Variants in ENTREP2 observed in about 807,000 individuals in gnomAD.
ENTREP2 encodes protein ENTREP2.
the ENTREP2 span, among the ~76,000 whole-genome samples, chr15:29,307,848 G>C: frequency 6.6e-6 from 1 of 152,106 alleles, no homozygotes; most frequent in Non-Finnish European, 1.5e-5. Flanking sequence ...CTTTAATCTT[G>C]GACTTTCCAG....
At chr15:29,592,175 C>T in the ENTREP2 span, among the ~76,000 whole-genome samples, 14 of 152,126 alleles carry the variant, frequency 9.2e-5, no homozygotes, top group Non-Finnish European at 1.9e-4. Context: ...CCCCCTGGTT[C>T]TGCTGGCACC....
the ENTREP2 span, among the ~76,000 whole-genome samples, chr15:29,297,644 G>A: frequency 1.3e-5 from 2 of 152,190 alleles, no homozygotes. Context: ...TGAATGAACA[G>A]AATCCCACCT....
At chr15:29,339,748 T>C in the ENTREP2 span, among the ~76,000 whole-genome samples, 1 of 152,238 alleles carries the variant, frequency 6.6e-6, no homozygotes, top group African/African-American at 2.4e-5. Context: ...AGGCATGTCA[T>C]CTCATCACTC....
chr15:29,574,674 G>A, the ENTREP2 span, among the ~76,000 whole-genome samples: 1 of 152,168 alleles, frequency 6.6e-6, no homozygotes, highest in Non-Finnish European at 1.5e-5. Context: ...CTTGCACCAT[G>A]GGGAGACAAG....
At chr15:29,223,547 A>G in the ENTREP2 span, among the ~76,000 whole-genome samples, 9 of 152,212 alleles carry the variant, frequency 5.9e-5, no homozygotes, top group East Asian at 1.9e-4. Flanking sequence ...GTGTAACTGG[A>G]TATCAGTTTA....
At chr15:29,644,800 G>A in the ENTREP2 span, among the ~76,000 whole-genome samples, 1 of 129,538 alleles carries the variant, frequency 7.7e-6, no homozygotes, top group African/African-American at 2.9e-5. Flanking sequence ...GAGACTCCAA[G>A]ACTCCATCTC....
At chr15:29,594,832 C>T in the ENTREP2 span, among the ~76,000 whole-genome samples, 2 of 151,650 alleles carry the variant, frequency 1.3e-5, no homozygotes, top group Non-Finnish European at 2.9e-5. Flanking sequence ...TTTGGGAGGC[C>T]GAGGCGGGCG....
the ENTREP2 span, among the ~76,000 whole-genome samples, chr15:29,224,511 T>G: frequency 6.6e-6 from 1 of 152,298 alleles, no homozygotes; most frequent in South Asian, 2.1e-4. Flanking sequence ...GAGAGCTGAT[T>G]GGTCCGCTTT....
At chr15:29,248,895 G>A in the ENTREP2 span, among the ~76,000 whole-genome samples, 1 of 152,314 alleles carries the variant, frequency 6.6e-6, no homozygotes, top group East Asian at 1.9e-4. Context: ...TTTAGGAGCT[G>A]TAAAAAGGAT....
the ENTREP2 span, among the ~76,000 whole-genome samples, chr15:29,403,980 G>A: frequency 1.3e-5 from 2 of 152,170 alleles, no homozygotes; most frequent in Non-Finnish European, 2.9e-5. Flanking sequence ...CCCTGCTGCA[G>A]GTACTGCACC....
the ENTREP2 span, among the ~76,000 whole-genome samples, chr15:29,550,280 A>AG: frequency 6.6e-6 from 1 of 152,200 alleles, no homozygotes; most frequent in African/African-American, 2.4e-5. Context: ...ACAAAAAAAA[A>AG]CAAACCTAAG....
At chr15:29,307,793 G>A in the ENTREP2 span, among the ~76,000 whole-genome samples, 1 of 152,158 alleles carries the variant, frequency 6.6e-6, no homozygotes, top group Non-Finnish European at 1.5e-5. Flanking sequence ...GCGGCCGTCT[G>A]CAAGACAGGA....
the ENTREP2 span, among the ~76,000 whole-genome samples, chr15:29,216,962 A>G: frequency 0.067 from 10,184 of 152,314 alleles, 1,183 homozygotes; most frequent in African/African-American, 0.23. Flanking sequence ...AAATTCTCTC[A>G]GCCCCAAAGA....
the ENTREP2 span, among the ~76,000 whole-genome samples, chr15:29,418,504 G>A: frequency 6.6e-6 from 1 of 152,098 alleles, no homozygotes; most frequent in Non-Finnish European, 1.5e-5. Context: ...ACCCGAAGGT[G>A]CTATATAAAT....
the ENTREP2 span, among the ~76,000 whole-genome samples, chr15:29,661,364 C>T: frequency 6.6e-6 from 1 of 152,074 alleles, no homozygotes; most frequent in African/African-American, 2.4e-5. Context: ...CCATGCCTGG[C>T]TAATTTTTGT....
chr15:29,528,752 C>T, the ENTREP2 span, among the ~76,000 whole-genome samples: 11 of 151,328 alleles, frequency 7.3e-5, no homozygotes, highest in East Asian at 1.9e-3. Flanking sequence ...ACTTAAAGGC[C>T]CACTCACAGG....
the ENTREP2 span, among the ~76,000 whole-genome samples, chr15:29,232,620 G>A: frequency 6.6e-6 from 1 of 151,542 alleles, no homozygotes; most frequent in East Asian, 1.9e-4. Context: ...AGCCTTCTTA[G>A]TAGCTGGGAC....
At chr15:29,506,536 C>T in the ENTREP2 span, among the ~76,000 whole-genome samples, 10,273 of 152,224 alleles carry the variant, frequency 0.067, 473 homozygotes, top group South Asian at 0.12. Context: ...CAAAGGGAAG[C>T]CCATCAGACT....
chr15:29,485,595 G>A, the ENTREP2 span, among the ~76,000 whole-genome samples: 2 of 152,176 alleles, frequency 1.3e-5, no homozygotes, highest in African/African-American at 4.8e-5. Flanking sequence ...AACCATGAAA[G>A]GAAAGGCTGG....
Sources: gnomAD v4.1 joint callset for allele counts (sites outside exome capture counted in the v4.1 genomes callset) on GRCh38, gnomAD v4.1.1 for gene constraint, MANE v1.5 for transcripts, NCBI Gene and HGNC (gene_info 2026-07-23, HGNC 2026-07-21) for gene names.